The following DMD variants were observed in gnomAD, a reference collection of about 807,000 sequenced individuals.
DMD encodes dystrophin, also known as mutant dystrophin.
A neutral mutation model predicts 330.1 loss-of-function variants in DMD; 63 were observed. The ratio of observed to expected loss-of-function variants is 0.19; its 90% CI spans 0.16 to 0.24. The LOEUF (loss-of-function observed/expected upper bound fraction) is 0.24, where lower values mean the gene tolerates loss of function less well. Among genes scored for constraint, DMD ranks in the 10% least tolerant of loss-of-function variants. The probability of loss-of-function intolerance (pLI) is 1.00; values close to 1 mark genes in which losing one functional copy is unlikely to be tolerated. For synonymous variants in DMD, 1,223 were observed against 959.8 expected, an observed-to-expected ratio of 1.27 and a Z score of -5.07; for missense variants, 3,344 against 2,684.1, an observed-to-expected ratio of 1.25 and a Z score of -5.43.
intron 1 of DMD, among the ~76,000 whole-genome samples, chrX:33,236,619 G>A (rs1458982422): frequency 1.8e-5 from 2 of 110,785 alleles, no homozygotes; most frequent in Non-Finnish European, 3.8e-5. Context: ...GGGAACAGAG[G>A]CGTAAATAGC....
intron 1 of DMD, among the ~76,000 whole-genome samples, chrX:33,266,286 G>A (rs904507750): frequency 1.1e-4 from 12 of 111,872 alleles, no homozygotes; most frequent in African/African-American, 3.2e-4. Flanking sequence ...GTCTTACAAC[G>A]TAGATGATTT....
At position 32,420,275 on chromosome X, in the gene DMD, G is replaced by A. The variant is rs1000666007; in HGVS notation, c.4072-8362C>T. 7.1e-5 allele frequency among the ~76,000 whole-genome samples: 8 copies of A among 112,065 alleles called. No homozygotes were observed. In the East Asian group the frequency reaches 2.2e-3, roughly 31 times the overall value. On this transcript the variant is annotated intron_variant, in intron 29 of 78. Transcript: ENST00000357033. ...AGTCGCTGTCTCCTGATATGGAATAGTGAGACAGAATCAGATTCTAGGGAT... is the reference window on the plus strand; with the variant it reads ...AGTCGCTGTCTCCTGATATGGAATAATGAGACAGAATCAGATTCTAGGGAT...
At chrX:31,552,911 T>C (rs766236271) in intron 55 of DMD, among the ~76,000 whole-genome samples, 25 of 111,804 alleles carry the variant, frequency 2.2e-4, no homozygotes, top group Non-Finnish European at 4.7e-4. Context: ...TAGAGGTTGC[T>C]ATTTGTAGTA....
intron 52 of DMD, among the ~76,000 whole-genome samples, chrX:31,713,132 A>C (rs1327635122): frequency 8.9e-6 from 1 of 111,957 alleles, no homozygotes; most frequent in Non-Finnish European, 1.9e-5. Context: ...TTCACTCAGT[A>C]CTGTCACTGT....
chrX:32,995,264 CT>C (rs2093088597), intron 2 of DMD, among the ~76,000 whole-genome samples: 1 of 112,170 alleles, frequency 8.9e-6, no homozygotes, highest in East Asian at 2.8e-4. Flanking sequence ...TTTTTTCTTT[CT>C]TTTTAACTTA....
At chrX:32,372,251 T>C (rs1280388335) in intron 34 of DMD, among the ~76,000 whole-genome samples, 1 of 112,169 alleles carries the variant, frequency 8.9e-6, no homozygotes. Flanking sequence ...TTTAAACAGA[T>C]ATTTCATGAG....
Position 32,390,100 on chromosome X carries a change from T to G in DMD, c.4315A>C (p.Arg1439=). Residue 1439 remains arginine (R), a synonymous_variant, in exon 31 of 79, where the codon AGA becomes CGA. Transcript: ENST00000357033. ...KHNQGKEAAQ[R]VLSQIDVAQK... ...GCAACATCAATCTGAGACAGGACTC[T>G]TTGGGCAGCCTCCTTCCCCTGATTA... 8.3e-7 allele frequency: 1 copy of G among 1,209,815 alleles called. No individual in the cohort carries two copies. The highest frequency in any genetic ancestry group is 1.1e-6 in the Non-Finnish European group (1 of 893,631).
At chrX:32,764,097 G>GT (rs367686108) in intron 7 of DMD, among the ~76,000 whole-genome samples, 183 of 102,694 alleles carry the variant, frequency 1.8e-3, no homozygotes, top group African/African-American at 2.4e-3. Context: ...TTAAGTTGAG[G>GT]TTTTTTTTTT....
chrX:31,523,158 T>C (rs2072985904), intron 55 of DMD, among the ~76,000 whole-genome samples: 2 of 111,498 alleles, frequency 1.8e-5, no homozygotes, highest in Admixed American at 1.9e-4. Flanking sequence ...GTGATGCCGA[T>C]ACTGCTAGTC....
At chrX:33,149,686 T>A (rs1307934589) in intron 1 of DMD, among the ~76,000 whole-genome samples, 5 of 111,343 alleles carry the variant, frequency 4.5e-5, no homozygotes. Flanking sequence ...GGTACTAGAG[T>A]CAATAGATCT....
At chrX:32,774,327 CCA>C (rs2073932482) in intron 7 of DMD, among the ~76,000 whole-genome samples, 1 of 111,836 alleles carries the variant, frequency 8.9e-6, no homozygotes, top group African/African-American at 3.3e-5. Context: ...CTGTTTAAGT[CCA>C]CAGTCAATTA....
At chrX:32,820,878 C>T (rs186679071) in intron 5 of DMD, among the ~76,000 whole-genome samples, 74 of 111,608 alleles carry the variant, frequency 6.6e-4, no homozygotes, top group Middle Eastern at 4.7e-3. Context: ...ATTTTTGTAA[C>T]GCTTTGGTTT....
intron 4 of DMD, among the ~76,000 whole-genome samples, chrX:32,836,279 G>A (rs192456400): frequency 4.6e-5 from 5 of 109,726 alleles, no homozygotes; most frequent in East Asian, 2.9e-4. Flanking sequence ...TGATCTGCCC[G>A]CCCCAGCCTC....
intron 21 of DMD, among the ~76,000 whole-genome samples, chrX:32,483,176 A>AT (rs1400416702): frequency 7.9e-4 from 31 of 39,185 alleles, no homozygotes; most frequent in East Asian, 3.2e-3. Flanking sequence ...CACCATATTT[A>AT]ATTAAAGGGT....
intron 7 of DMD, among the ~76,000 whole-genome samples, chrX:32,731,201 G>T (rs913982412): frequency 6.2e-5 from 7 of 112,135 alleles, no homozygotes; most frequent in African/African-American, 2.3e-4. Context: ...GCGTGTTTCC[G>T]ACGGGCTTAA....
At chrX:32,844,437 GAAAAGAAA>G (rs2080468619) in intron 4 of DMD, among the ~76,000 whole-genome samples, 2 of 107,636 alleles carry the variant, frequency 1.9e-5, no homozygotes, top group Non-Finnish European at 3.9e-5. Flanking sequence ...GAAAAGAAAA[GAAAAGAAA>G]AAAGAAAAAG....
chrX:31,396,689 CAAT>C (rs1419604574), intron 60 of DMD, among the ~76,000 whole-genome samples: 1 of 109,016 alleles, frequency 9.2e-6, no homozygotes, highest in Non-Finnish European at 1.9e-5. Context: ...TGAGAAAGGT[CAAT>C]AATAGAAATG....
chrX:31,951,441 C>A (rs2095178510), intron 45 of DMD, among the ~76,000 whole-genome samples: 1 of 107,873 alleles, frequency 9.3e-6, no homozygotes, highest in African/African-American at 3.4e-5. Context: ...TATTTTTTCA[C>A]ATCTTATTCA....
intron 55 of DMD, among the ~76,000 whole-genome samples, chrX:31,531,602 G>A (rs62590897): frequency 0.09 from 8,549 of 95,339 alleles, 676 homozygotes; most frequent in African/African-American, 0.19. Context: ...GTAGGTTGCG[G>A]AAATTTTCTC....
Sources: gnomAD v4.1 joint callset for allele counts (sites outside exome capture counted in the v4.1 genomes callset) on GRCh38, gnomAD v4.1.1 for gene constraint, MANE v1.5 for transcripts, NCBI Gene and HGNC (gene_info 2026-07-23, HGNC 2026-07-21) for gene names.